The following CTNNA2 variants were observed in gnomAD, a reference collection of about 807,000 sequenced individuals.
The protein encoded by CTNNA2 is catenin alpha-2.
CTNNA2 carries 42 observed loss-of-function variants against 101.0 expected under a neutral mutation model. The ratio of observed to expected loss-of-function variants is 0.42; its 90% CI spans 0.32 to 0.54. The LOEUF (loss-of-function observed/expected upper bound fraction) is 0.54, where lower values mean the gene tolerates loss of function less well. CTNNA2 is among the 20% of genes least tolerant of loss of function. CTNNA2 has a pLI of 0.14. For missense variants in CTNNA2, 871 were observed against 1,223.1 expected, an observed-to-expected ratio of 0.71 and a Z score of 4.29; for synonymous variants, 450 against 456.4, an observed-to-expected ratio of 0.99 and a Z score of 0.18.
At chr2:79,627,154 G>A (rs924374675) in intron 1 of CTNNA2, among the ~76,000 whole-genome samples, 1 of 152,116 alleles carries the variant, frequency 6.6e-6, no homozygotes, top group Non-Finnish European at 1.5e-5. Flanking sequence ...AAACATGAAG[G>A]CAAGTGCCAC....
chr2:79,613,952 C>T (rs1019742644), intron 1 of CTNNA2, among the ~76,000 whole-genome samples: 4 of 152,110 alleles, frequency 2.6e-5, no homozygotes, highest in Admixed American at 6.5e-5. Flanking sequence ...AATAACTTGC[C>T]GTAGGTCAGT....
intron 7 of CTNNA2, among the ~76,000 whole-genome samples, chr2:79,997,238 A>G (rs937619810): frequency 1.3e-5 from 2 of 152,040 alleles, no homozygotes; most frequent in Admixed American, 1.3e-4. Flanking sequence ...TGCACTATTT[A>G]GTATGGTGCC....
chr2:80,032,562 A>C (rs962907742), intron 7 of CTNNA2, among the ~76,000 whole-genome samples: 2 of 152,340 alleles, frequency 1.3e-5, no homozygotes, highest in Non-Finnish European at 2.9e-5. Context: ...GCATGGATAC[A>C]CTACTAATAT....
intron 4 of CTNNA2, among the ~76,000 whole-genome samples, chr2:79,490,323 G>A (rs890752293): frequency 3.3e-5 from 5 of 152,060 alleles, no homozygotes; most frequent in African/African-American, 1.2e-4. Flanking sequence ...TTCTGAGGTG[G>A]GTTTTCAATT....
chr2:79,787,713 G>A (rs933910339), intron 3 of CTNNA2, among the ~76,000 whole-genome samples: 9 of 151,522 alleles, frequency 5.9e-5, no homozygotes, highest in East Asian at 1.9e-4. Flanking sequence ...TCCTTGTTTC[G>A]TGGCCCCTTT....
chr2:80,201,549 AT>A (rs1222157460), intron 7 of CTNNA2, among the ~76,000 whole-genome samples: 1 of 150,860 alleles, frequency 6.6e-6, no homozygotes, highest in African/African-American at 2.4e-5. Flanking sequence ...AAATTTGTGT[AT>A]TTTTTTAGTA....
chr2:80,189,957 G>C (rs1485421247), intron 7 of CTNNA2, among the ~76,000 whole-genome samples: 1 of 151,918 alleles, frequency 6.6e-6, no homozygotes, highest in Non-Finnish European at 1.5e-5. Flanking sequence ...TTCATGAAAA[G>C]CATACACTTA....
intron 7 of CTNNA2, among the ~76,000 whole-genome samples, chr2:80,053,658 C>A (rs572927627): frequency 1.8e-4 from 27 of 152,310 alleles, no homozygotes; most frequent in Middle Eastern, 3.4e-3. Context: ...TGGGATTATG[C>A]ACTTCTAGCA....
intron 3 of CTNNA2, among the ~76,000 whole-genome samples, chr2:79,781,316 C>T (rs142003317): frequency 2.1e-3 from 315 of 152,290 alleles, no homozygotes; most frequent in African/African-American, 7.3e-3. Flanking sequence ...TGGGTTTTAG[C>T]TGGTTTCTTT....
chr2:80,464,090 C>T (rs1684665082), intron 9 of CTNNA2, among the ~76,000 whole-genome samples: 1 of 152,128 alleles, frequency 6.6e-6, no homozygotes, highest in African/African-American at 2.4e-5. Context: ...AGCATTGATG[C>T]CTTCTCTCCC....
At chr2:80,099,451 G>A (rs751263686) in intron 7 of CTNNA2, among the ~76,000 whole-genome samples, 1 of 152,182 alleles carries the variant, frequency 6.6e-6, no homozygotes, top group Non-Finnish European at 1.5e-5. Flanking sequence ...TTGTGTAGTG[G>A]TCAGAAATCC....
intron 7 of CTNNA2, among the ~76,000 whole-genome samples, chr2:80,158,988 T>A (rs1704145266): frequency 6.6e-6 from 1 of 152,120 alleles, no homozygotes; most frequent in South Asian, 2.1e-4. Flanking sequence ...TCCTTACTTA[T>A]CATTATTCTC....
intron 3 of CTNNA2, among the ~76,000 whole-genome samples, chr2:79,833,162 G>C (rs1306134460): frequency 6.6e-6 from 1 of 152,068 alleles, no homozygotes; most frequent in Admixed American, 6.5e-5. Context: ...AATTCGTTGG[G>C]GTTTCTAAAC....
At chr2:79,962,180 G>T (rs975026525) in intron 7 of CTNNA2, among the ~76,000 whole-genome samples, 4 of 152,224 alleles carry the variant, frequency 2.6e-5, no homozygotes, top group African/African-American at 9.6e-5. Context: ...CAATTGGCTG[G>T]CAACTGACTT....
rs992881625 is a variant in CTNNA2 at position 80,610,893 on chromosome 2, G to A, written c.2430+2575G>A. Among the ~76,000 whole-genome samples, 6 of 151,698 alleles carry A rather than the reference G, an allele frequency of 4.0e-5. No homozygotes were observed. In the South Asian group the frequency reaches 1.2e-3, roughly 31 times the overall value. The stretch of plus-strand genomic sequence containing the variant: ...GGAGAATGGATACAAAAGCTCTCCA[G>A]GCATCATGACGGCGATCTGGAGAAA... On this transcript the variant is annotated intron_variant, in intron 17 of 18. Transcript: ENST00000402739.
intron 7 of CTNNA2, among the ~76,000 whole-genome samples, chr2:80,133,616 C>T (rs572477728): frequency 2.6e-5 from 4 of 152,246 alleles, no homozygotes; most frequent in Non-Finnish European, 5.9e-5. Flanking sequence ...CTGGACAGAA[C>T]ATAATTTGCA....
chr2:80,579,615 C>T (rs1040042908), intron 13 of CTNNA2: 1 of 152,188 alleles, frequency 6.6e-6, no homozygotes, highest in Non-Finnish European at 1.5e-5. Context: ...AAACCTCTTT[C>T]TTCTCTCCTT....
chr2:80,204,265 T>C (rs1707388874), intron 7 of CTNNA2, among the ~76,000 whole-genome samples: 1 of 152,224 alleles, frequency 6.6e-6, no homozygotes, highest in Admixed American at 6.5e-5. Flanking sequence ...GAATTTCTCC[T>C]CAGAAAATGG....
At chr2:79,314,601 T>C (rs1676455274) in intron 3 of CTNNA2, among the ~76,000 whole-genome samples, 1 of 152,220 alleles carries the variant, frequency 6.6e-6, no homozygotes, top group Non-Finnish European at 1.5e-5. Flanking sequence ...ATCTTTCCTC[T>C]CAGGGGCATG....
Sources: gnomAD v4.1 joint callset for allele counts (sites outside exome capture counted in the v4.1 genomes callset) on GRCh38, gnomAD v4.1.1 for gene constraint, MANE v1.5 for transcripts, NCBI Gene and HGNC (gene_info 2026-07-23, HGNC 2026-07-21) for gene names.